Variants in CACNA1C observed in about 807,000 individuals in gnomAD.
CACNA1C encodes the protein voltage-dependent L-type calcium channel subunit alpha-1C.
Under a neutral mutation model 229.0 loss-of-function variants are expected in CACNA1C, and 30 were observed. The observed-to-expected ratio is 0.13, with a 90% confidence interval of 0.10 to 0.18. The LOEUF (loss-of-function observed/expected upper bound fraction) is 0.18. Ranked by LOEUF, CACNA1C falls within the 10% of genes least tolerant of loss-of-function variation. The probability of loss-of-function intolerance (pLI) is 1.00; values close to 1 mark genes in which losing one functional copy is unlikely to be tolerated. For synonymous variants in CACNA1C, 1,114 were observed against 1,132.5 expected (o/e 0.98, Z 0.33); for missense variants, 1,658 against 2,845.0 (o/e 0.58, Z 9.49).
At position 2,670,415 on chromosome 12, in the gene CACNA1C, T is replaced by C. The variant is rs140465464; in HGVS notation, c.4726+1380T>C. Among the ~76,000 whole-genome samples, 63 of 152,312 alleles carry C rather than the reference T, an allele frequency of 4.1e-4. 1 individual carries two copies. In the East Asian group the frequency reaches 5.2e-3, roughly 13 times the overall value. The stretch of plus-strand genomic sequence containing the variant: ...CCATTGGTAGACTAGAGAAAGGTGA[T>C]GACATCTGGGAATTTAATTCATTGA... On this transcript the variant is annotated intron_variant, in intron 38 of 46. Coordinates refer to ENST00000399655, the MANE Select transcript of CACNA1C (RefSeq NM_000719.7).
chr12:2,459,175 T>G (rs1298042584), intron 5 of CACNA1C, among the ~76,000 whole-genome samples: 2 of 145,484 alleles, frequency 1.4e-5, no homozygotes, highest in East Asian at 2.0e-4. Flanking sequence ...GTGTGTTTTT[T>G]TTTTTTTTTT....
rs2073057847 is a variant in CACNA1C, at chr12:2,602,554, C to T, written c.2960+594C>T. Among the ~76,000 whole-genome samples, 1 of 150,626 alleles carries T rather than the reference C, an allele frequency of 6.6e-6. No individual in the cohort carries two copies. The highest frequency in any genetic ancestry group is 2.1e-4 in the South Asian group (1 of 4,762). On this transcript the variant is annotated intron_variant, in intron 22 of 46. Transcript: ENST00000399655. This position sits in a 1 kb window ranked among gnomAD's most constrained non-coding sequence, Gnocchi z 4.4. The stretch of plus-strand genomic sequence containing the variant: ...TTGTGTCTGCATATGTGTCTATGGA[C>T]GTGAATGTATATGTGTATGTATGTG...
intron 5 of CACNA1C, among the ~76,000 whole-genome samples, chr12:2,462,846 T>C (rs2099520243): frequency 6.6e-6 from 1 of 152,156 alleles, no homozygotes; most frequent in South Asian, 2.1e-4. Flanking sequence ...AACAAATAGG[T>C]TCATTGGGCC....
At chr12:2,494,117 A>G (rs2099741958) in intron 7 of CACNA1C, among the ~76,000 whole-genome samples, 1 of 152,128 alleles carries the variant, frequency 6.6e-6, no homozygotes, top group Non-Finnish European at 1.5e-5. Flanking sequence ...GCACCCATCC[A>G]CCCGTCATCT....
At chr12:2,652,833 C>T (rs891625602) in intron 32 of CACNA1C, among the ~76,000 whole-genome samples, 3 of 152,240 alleles carry the variant, frequency 2.0e-5, no homozygotes, top group Non-Finnish European at 2.9e-5. Flanking sequence ...GCAGGACTGC[C>T]GCTGACTCTG....
At chr12:2,469,161 T>C (rs2099576827) in intron 5 of CACNA1C, among the ~76,000 whole-genome samples, 1 of 152,150 alleles carries the variant, frequency 6.6e-6, no homozygotes, top group African/African-American at 2.4e-5. Context: ...TGTTGGTATA[T>C]ATATACATAT....
chr12:2,172,481 GATA>G (rs1261573018), intron 3 of CACNA1C, among the ~76,000 whole-genome samples: 1 of 152,178 alleles, frequency 6.6e-6, no homozygotes, highest in Non-Finnish European at 1.5e-5. Flanking sequence ...TACTAATTAT[GATA>G]ATCTCACAAT....
At chr12:2,548,794 T>C (rs2099888612) in intron 9 of CACNA1C, among the ~76,000 whole-genome samples, 2 of 152,186 alleles carry the variant, frequency 1.3e-5, no homozygotes, top group South Asian at 4.1e-4. Flanking sequence ...TAAAAGTGTT[T>C]CTTGGGCTCT....
At chr12:2,614,761 A>G (rs1013043946) in intron 29 of CACNA1C, 7 of 152,190 alleles carry the variant, frequency 4.6e-5, no homozygotes, top group Non-Finnish European at 1.0e-4. Flanking sequence ...GTCACTGCTT[A>G]TGTTTCGTCT....
intron 1 of CACNA1C, among the ~76,000 whole-genome samples, chr12:2,037,085 A>AG (rs1173713895): frequency 4.6e-5 from 7 of 152,124 alleles, no homozygotes; most frequent in Non-Finnish European, 8.8e-5. Context: ...ACCTTGCTTT[A>AG]GGGGGCAGTT....
intron 11 of CACNA1C, among the ~76,000 whole-genome samples, chr12:2,565,475 G>GA (rs4016834): frequency 3.7e-4 from 43 of 117,704 alleles, no homozygotes; most frequent in South Asian, 1.5e-3. Context: ...CTCCGTCTCA[G>GA]AAAAAAAAAA....
chr12:2,109,154 C>T (rs2080536546), intron 1 of CACNA1C, among the ~76,000 whole-genome samples: 1 of 152,182 alleles, frequency 6.6e-6, no homozygotes, highest in Non-Finnish European at 1.5e-5. Flanking sequence ...CAGAAGGCAC[C>T]AAGGCCAAGC....
At chr12:2,557,779 C>T (rs766283365) in intron 11 of CACNA1C, among the ~76,000 whole-genome samples, 4 of 152,206 alleles carry the variant, frequency 2.6e-5, no homozygotes, top group Non-Finnish European at 5.9e-5. Context: ...CAGCACTCAG[C>T]ACATGACACT....
At position 2,486,291 on chromosome 12, in the gene CACNA1C, A is replaced by G; in HGVS notation, c.916+29A>G. 6.2e-7 allele frequency: 1 copy of G among 1,601,934 alleles called. No homozygotes were observed. The highest frequency in any genetic ancestry group is 8.5e-7 in the Non-Finnish European group (1 of 1,171,762). On this transcript the variant is annotated intron_variant, in intron 6 of 46. Transcript: ENST00000399655. This position sits in a 1 kb window ranked among gnomAD's most constrained non-coding sequence, Gnocchi z 4.9. The stretch of plus-strand genomic sequence containing the variant: ...AGAGGGGCAGGCGGCTGCGCTCCCA[A>G]GGCCCTGCCCTCTATCGCTCCCAGC...
intron 3 of CACNA1C, among the ~76,000 whole-genome samples, chr12:2,326,403 C>G (rs953271074): frequency 3.3e-5 from 5 of 152,210 alleles, no homozygotes; most frequent in Non-Finnish European, 7.3e-5. Flanking sequence ...TTTTAACCAG[C>G]TCTTCTAGCA....
rs141203945 is a variant in CACNA1C at position 2,696,714 on chromosome 12, G to A, written c.*5515G>A. ...CAGAATGATTCTTATTCACTGTTTG[G>A]GTCTGGAGAATTCCCATTGTGGAAA... On this transcript the variant is annotated 3_prime_UTR_variant, in exon 47 of 47. Transcript: ENST00000399655. 1.3e-5 allele frequency: 2 copies of A among 152,166 alleles called. No homozygotes were observed. Among genetic ancestry groups the A allele is most frequent in the African/African-American group, 2.4e-5 (1 of 41,498 alleles). The allele number at this position is 152,166 out of a possible 1,614,324, so 9.4% of individuals were successfully genotyped here.
At chr12:2,422,858 C>T (rs2098992361) in intron 3 of CACNA1C, among the ~76,000 whole-genome samples, 1 of 152,218 alleles carries the variant, frequency 6.6e-6, no homozygotes, top group Admixed American at 6.5e-5. Flanking sequence ...AGAGGCAGCA[C>T]TCCCTGCCGG....
In CACNA1C at chr12:2,602,630, TTGTGTGTGTGTGTGTG is replaced by T. The variant is rs3062140; in HGVS notation, c.2960+695_2960+710del. On this transcript the variant is annotated intron_variant, in intron 22 of 46. Transcript: ENST00000399655. This position sits in a 1 kb window ranked among gnomAD's most constrained non-coding sequence, Gnocchi z 4.4. ...GTGTGTGACTGTGTATATTTGTGTCTTGTGTGTGTGTGTGTGTGTGTGTGTGTGTGTGTGTGTGTGA... is the reference window on the plus strand; with the variant it reads ...GTGTGTGACTGTGTATATTTGTGTCTTGTGTGTGTGTGTGTGTGTGTGTGA... Among the ~76,000 whole-genome samples the T allele has an allele frequency of 2.3e-4, 32 of 140,914 alleles. No individual in the cohort carries two copies. Among genetic ancestry groups the T allele is most frequent in the South Asian group, 7.1e-4 (3 of 4,206 alleles). The allele number at this position is 140,914 out of a possible 152,430, so 92.4% of individuals were successfully genotyped here. A position where few individuals can be genotyped will look rare whatever the true frequency, so the allele number is the denominator to read the frequency against.
intron 3 of CACNA1C, among the ~76,000 whole-genome samples, chr12:2,349,372 G>T (rs772417882): frequency 6.6e-6 from 1 of 152,158 alleles, no homozygotes; most frequent in African/African-American, 2.4e-5. Flanking sequence ...CAACAGACTC[G>T]CAGGGAGATT....
Sources: allele counts gnomAD v4.1 joint callset (sites outside exome capture counted in the v4.1 genomes callset), GRCh38; gene constraint gnomAD v4.1.1; non-coding constraint Gnocchi (gnomAD v3.1); transcripts MANE v1.5; gene names NCBI Gene and HGNC (gene_info 2026-07-23, HGNC 2026-07-21).